Variants in EPHA6 observed in about 807,000 individuals in gnomAD.
EPHA6 encodes the protein EPH receptor A6.
In EPHA6, 50 loss-of-function variants were observed where a neutral mutation model predicts 112.0. That is an observed-to-expected ratio of 0.45 (90% CI 0.36 to 0.56). The LOEUF (loss-of-function observed/expected upper bound fraction) is 0.56, where lower values mean the gene tolerates loss of function less well. EPHA6 is among the 20% of genes least tolerant of loss of function. The pLI, the probability that EPHA6 is intolerant of heterozygous loss-of-function variation, is 0.00. For missense variants in EPHA6, 1,280 were observed against 1,417.4 expected, an observed-to-expected ratio of 0.90 and a Z score of 1.56; for synonymous variants, 529 against 490.7, an observed-to-expected ratio of 1.08 and a Z score of -1.03.
intron 3 of EPHA6, among the ~76,000 whole-genome samples, chr3:97,061,829 A>G (rs914541226): frequency 6.6e-6 from 1 of 152,202 alleles, no homozygotes; most frequent in Non-Finnish European, 1.5e-5. Flanking sequence ...ATTATACTAT[A>G]GTATGTCCTG....
intron 2 of EPHA6, among the ~76,000 whole-genome samples, chr3:96,978,952 A>C (rs970633671): frequency 4.6e-5 from 7 of 152,022 alleles, no homozygotes; most frequent in African/African-American, 1.5e-4. Flanking sequence ...TATTTGAGTT[A>C]AAGTTAATCT....
intron 15 of EPHA6, among the ~76,000 whole-genome samples, chr3:97,729,057 G>GT (rs907197075): frequency 1.4e-4 from 21 of 151,536 alleles, no homozygotes; most frequent in South Asian, 4.2e-4. Context: ...TTTTAAGAAA[G>GT]TTTTTTTTTA....
At chr3:96,868,150 G>T (rs1054415453) in intron 2 of EPHA6, among the ~76,000 whole-genome samples, 1 of 148,166 alleles carries the variant, frequency 6.7e-6, no homozygotes, top group Non-Finnish European at 1.5e-5. Flanking sequence ...AATACCTTTT[G>T]TGTGTGTGCG....
chr3:97,748,457 A>G, intron 17 of EPHA6, 130 bp from the exon 18 acceptor site: 1 of 606,084 alleles, frequency 1.6e-6, no homozygotes, highest in Non-Finnish European at 3.0e-6. Flanking sequence ...TGCTTATTTA[A>G]TATATTTAAA....
intron 2 of EPHA6, among the ~76,000 whole-genome samples, chr3:96,979,455 G>A (rs2042667212): frequency 6.6e-6 from 1 of 152,084 alleles, no homozygotes; most frequent in African/African-American, 2.4e-5. Context: ...TATCATTGAT[G>A]GACATTTGGG....
intron 14 of EPHA6, chr3:97,648,554 GAAT>G (rs1396031476): frequency 8.1e-7 from 1 of 1,233,196 alleles, no homozygotes; most frequent in African/African-American, 1.6e-5. Context: ...AGAACTTTAA[GAAT>G]AAATATTTTA....
At chr3:97,335,433 G>T (rs1452265881) in intron 5 of EPHA6, among the ~76,000 whole-genome samples, 2 of 152,124 alleles carry the variant, frequency 1.3e-5, no homozygotes, top group Non-Finnish European at 2.9e-5. Flanking sequence ...CAGCACAAAT[G>T]AACTAAGACA....
chr3:97,603,085 A>T (rs1282546618), intron 12 of EPHA6, among the ~76,000 whole-genome samples: 1 of 152,052 alleles, frequency 6.6e-6, no homozygotes, highest in African/African-American at 2.4e-5. Flanking sequence ...CAAGAAAGAC[A>T]TTCTTAAAAA....
chr3:97,263,656 T>A (rs1206483788), intron 5 of EPHA6, among the ~76,000 whole-genome samples: 4 of 152,112 alleles, frequency 2.6e-5, no homozygotes, highest in Admixed American at 2.6e-4. Context: ...AATAAAAATA[T>A]TAAGTCACAG....
chr3:97,102,126 C>T (rs939949848), intron 3 of EPHA6, among the ~76,000 whole-genome samples: 2 of 152,030 alleles, frequency 1.3e-5, no homozygotes, highest in Admixed American at 1.3e-4. Context: ...ACTGAGCCGC[C>T]ATATAAGAAA....
At chr3:96,883,530 G>T (rs2037443781) in intron 2 of EPHA6, among the ~76,000 whole-genome samples, 1 of 152,136 alleles carries the variant, frequency 6.6e-6, no homozygotes, top group South Asian at 2.1e-4. Context: ...TTATCTTCTA[G>T]AATTTTTATA....
intron 2 of EPHA6, among the ~76,000 whole-genome samples, chr3:96,873,383 A>G (rs765644452): frequency 1.3e-5 from 2 of 152,044 alleles, no homozygotes; most frequent in Non-Finnish European, 2.9e-5. Context: ...TCAGCTTTTT[A>G]CTTGTTACAA....
At chr3:97,553,430 A>G (rs2107103383) in intron 11 of EPHA6, among the ~76,000 whole-genome samples, 1 of 152,234 alleles carries the variant, frequency 6.6e-6, no homozygotes, top group African/African-American at 2.4e-5. Flanking sequence ...TTATGAAGAA[A>G]AGAGATTTAA....
chr3:97,453,890 C>T (rs1318864633), intron 7 of EPHA6, among the ~76,000 whole-genome samples: 1 of 151,604 alleles, frequency 6.6e-6, no homozygotes, highest in Non-Finnish European at 1.5e-5. Context: ...TTCTAAATTC[C>T]ATTTGCACAC....
At chr3:96,947,056 G>A (rs1475852486) in intron 2 of EPHA6, among the ~76,000 whole-genome samples, 1 of 151,402 alleles carries the variant, frequency 6.6e-6, no homozygotes, top group Non-Finnish European at 1.5e-5. Flanking sequence ...ATTTGTTTGA[G>A]TTCTTTGTAG....
At chr3:97,340,079 A>G (rs1399079123) in intron 5 of EPHA6, among the ~76,000 whole-genome samples, 1 of 152,240 alleles carries the variant, frequency 6.6e-6, no homozygotes, top group Non-Finnish European at 1.5e-5. Flanking sequence ...AAAATTTTTG[A>G]GATGGATATT....
At chr3:96,870,983 A>G (rs933913303) in intron 2 of EPHA6, among the ~76,000 whole-genome samples, 5 of 152,098 alleles carry the variant, frequency 3.3e-5, no homozygotes, top group Non-Finnish European at 5.9e-5. Flanking sequence ...TACCATGTGC[A>G]TATTCAAGTT....
chr3:97,243,918 T>C, intron 4 of EPHA6, 34 bp from the exon 5 acceptor site: 1 of 1,478,024 alleles, frequency 6.8e-7, no homozygotes, highest in Non-Finnish European at 9.2e-7. Flanking sequence ...TTGTCCTATA[T>C]ATGTACATTT....
intron 3 of EPHA6, among the ~76,000 whole-genome samples, chr3:97,129,047 TA>T (rs2048263039): frequency 1.3e-5 from 2 of 151,176 alleles, no homozygotes; most frequent in Non-Finnish European, 2.9e-5. Context: ...CTTATTTATA[TA>T]TTTTTTTGTA....
Sources: allele counts gnomAD v4.1 joint callset (sites outside exome capture counted in the v4.1 genomes callset), GRCh38; gene constraint gnomAD v4.1.1; transcripts MANE v1.5; gene names NCBI Gene and HGNC (gene_info 2026-07-23, HGNC 2026-07-21).